OLFM3: variants seen among roughly 807,000 people sequenced by gnomAD.
OLFM3 encodes olfactomedin 3.
Under a neutral mutation model 48.6 loss-of-function variants are expected in OLFM3, and 20 were observed. The ratio of observed to expected loss-of-function variants is 0.41; its 90% confidence interval spans 0.29 to 0.60. The LOEUF (loss-of-function observed/expected upper bound fraction) is 0.60. Ranked by LOEUF, OLFM3 falls within the 20% of genes least tolerant of loss-of-function variation. The probability of loss-of-function intolerance (pLI) is 0.28; values close to 1 mark genes in which losing one functional copy is unlikely to be tolerated. For synonymous variants in OLFM3, 222 were observed against 198.1 expected, an observed-to-expected ratio of 1.12 and a Z score of -1.01; for missense variants, 437 against 544.3, an observed-to-expected ratio of 0.80 and a Z score of 1.96.
rs200130425 is a variant in OLFM3 at position 101,947,771 on chromosome 1, AT to A, written c.69+48976del. Among the ~76,000 whole-genome samples, 1,087 of 152,272 alleles carry A rather than the reference AT, an allele frequency of 7.1e-3. 4 individuals carry two copies. Among genetic ancestry groups the A allele is most frequent in the Non-Finnish European group, 0.012 (815 of 68,018 alleles). On this transcript the variant is annotated intron_variant, in intron 1 of 5. Transcript: ENST00000370103. ...AATGCCATCACTTAATAGGCATATG[AT>A]TTTCGGTGAGTTATTTAACTGCTCC...
intron 1 of OLFM3, among the ~76,000 whole-genome samples, chr1:101,950,201 T>C (rs1660094422): frequency 6.6e-6 from 1 of 152,144 alleles, no homozygotes; most frequent in South Asian, 2.1e-4. Context: ...GTCTCTTTGG[T>C]GTTCCTTGAA....
chr1:101,921,957 G>A (rs1570632831), intron 1 of OLFM3, among the ~76,000 whole-genome samples: 1 of 152,144 alleles, frequency 6.6e-6, no homozygotes. Context: ...TACTCGGGAG[G>A]CTGAGGCAGA....
intron 1 of OLFM3, among the ~76,000 whole-genome samples, chr1:101,979,295 G>GT (rs1557755251): frequency 1.3e-5 from 2 of 152,014 alleles, no homozygotes; most frequent in Admixed American, 1.3e-4. Flanking sequence ...TTTCCCTTGA[G>GT]TAAAATATGA....
At chr1:101,876,223 T>A (rs189232885) in intron 1 of OLFM3, among the ~76,000 whole-genome samples, 26 of 152,116 alleles carry the variant, frequency 1.7e-4, no homozygotes, top group African/African-American at 6.3e-4. Flanking sequence ...AACTCTCTTC[T>A]TACAGCAGGA....
intron 1 of OLFM3, among the ~76,000 whole-genome samples, chr1:101,927,694 A>C (rs1176752174): frequency 1.3e-5 from 2 of 150,318 alleles, no homozygotes; most frequent in Admixed American, 6.7e-5. Context: ...AAGCAAGTAT[A>C]TATATATGTA....
chr1:101,808,013 T>A (rs1653861781), intron 4 of OLFM3, among the ~76,000 whole-genome samples: 1 of 151,848 alleles, frequency 6.6e-6, no homozygotes, highest in Non-Finnish European at 1.5e-5. Context: ...GAAGTAGTAT[T>A]ATTTTTAATA....
intron 1 of OLFM3, among the ~76,000 whole-genome samples, chr1:101,908,655 A>G (rs1283557448): frequency 2.0e-5 from 3 of 152,162 alleles, no homozygotes; most frequent in African/African-American, 7.2e-5. Flanking sequence ...ATCTGTGGAG[A>G]TGTAATTAAG....
chr1:101,933,094 T>C lies in OLFM3; in HGVS notation c.69+63654A>G, dbSNP rs1476496519. 2.4e-3 allele frequency among the ~76,000 whole-genome samples: 348 copies of C among 146,182 alleles called. 3 individuals are homozygous for C. The highest frequency in any genetic ancestry group is 5.4e-3 in the Admixed American group (77 of 14,162). On this transcript the variant is annotated intron_variant, in intron 1 of 5. Coordinates refer to ENST00000370103, the MANE Select transcript of OLFM3 (RefSeq NM_058170.4). Reference sequence around the variant, plus strand: ...GCGGGCACCTGTAGTCCCAGCTACTTGGGAGGCTGAGGCAGGAGAATGGCA... The same window carrying C: ...GCGGGCACCTGTAGTCCCAGCTACTCGGGAGGCTGAGGCAGGAGAATGGCA...
In OLFM3 at chr1:101,824,936, A is replaced by AT. The variant is rs1654786411; in HGVS notation, c.592+89dup. The AT allele has an allele frequency of 3.6e-6, 4 of 1,120,332 alleles. No individual in the cohort carries two copies. The African/African-American group carries it at 6.2e-5, about 17-fold the overall frequency. 69.4% of individuals were successfully genotyped at this position (1,120,332 alleles called of 1,614,324 possible). On this transcript the variant is annotated intron_variant, in intron 4 of 5. Coordinates refer to ENST00000370103, the MANE Select transcript of OLFM3 (RefSeq NM_058170.4). Reference sequence around the variant, plus strand: ...GGCTCTGATTTCTTTACAATTAGATATTTTATGACTCTTTATAAAACGTAA... The same window carrying AT: ...GGCTCTGATTTCTTTACAATTAGATATTTTTATGACTCTTTATAAAACGTAA...
intron 1 of OLFM3, among the ~76,000 whole-genome samples, chr1:101,961,943 T>C (rs1169368490): frequency 6.6e-6 from 1 of 152,166 alleles, no homozygotes; most frequent in Admixed American, 6.6e-5. Context: ...CTAGCTATCT[T>C]TTCTACCACC....
chr1:101,951,114 A>G (rs1260882892), intron 1 of OLFM3, among the ~76,000 whole-genome samples: 1 of 152,218 alleles, frequency 6.6e-6, no homozygotes, highest in Non-Finnish European at 1.5e-5. Flanking sequence ...AACTGTTTGG[A>G]TTAGCACAGA....
intron 1 of OLFM3, among the ~76,000 whole-genome samples, chr1:101,947,706 T>C (rs2101066787): frequency 6.6e-6 from 1 of 152,336 alleles, no homozygotes; most frequent in Non-Finnish European, 1.5e-5. Context: ...TTTTAGTCAT[T>C]GATAAAAGTG....
At chr1:101,967,745 G>A (rs1055062448) in intron 1 of OLFM3, among the ~76,000 whole-genome samples, 1 of 152,096 alleles carries the variant, frequency 6.6e-6, no homozygotes, top group African/African-American at 2.4e-5. Context: ...TGGAGGTGCA[G>A]ACCACCTCCC....
intron 1 of OLFM3, among the ~76,000 whole-genome samples, chr1:101,865,220 A>T (rs1274968305): frequency 2.0e-5 from 3 of 151,422 alleles, no homozygotes; most frequent in African/African-American, 7.4e-5. Context: ...CACCAGGGTG[A>T]TTTCTCAGCA....
intron 1 of OLFM3, among the ~76,000 whole-genome samples, chr1:101,871,278 C>T (rs193183597): frequency 2.6e-5 from 4 of 152,054 alleles, no homozygotes; most frequent in Admixed American, 2.6e-4. Flanking sequence ...AGTAGAATAA[C>T]AAAATGCGTG....
chr1:101,826,129 A>AACACACACACACACAC (rs66617960), intron 3 of OLFM3, among the ~76,000 whole-genome samples: 21 of 133,074 alleles, frequency 1.6e-4, no homozygotes, highest in African/African-American at 5.5e-4. Flanking sequence ...ACTTTCGTCA[A>AACACACACACACACAC]ACACACACAC....
intron 1 of OLFM3, among the ~76,000 whole-genome samples, chr1:101,873,101 T>C (rs1657149437): frequency 6.6e-6 from 1 of 151,922 alleles, no homozygotes; most frequent in Admixed American, 6.6e-5. Context: ...AATGTCACCA[T>C]AAAATATAGC....
At chr1:101,897,588 A>G (rs1425314513) in intron 1 of OLFM3, among the ~76,000 whole-genome samples, 2 of 152,188 alleles carry the variant, frequency 1.3e-5, no homozygotes, top group Non-Finnish European at 2.9e-5. Flanking sequence ...TTTTTTAAAA[A>G]TCAGTTTGCA....
At chr1:101,962,700 A>G (rs775341050) in intron 1 of OLFM3, among the ~76,000 whole-genome samples, 2 of 152,192 alleles carry the variant, frequency 1.3e-5, no homozygotes, top group Non-Finnish European at 2.9e-5. Context: ...AGAACAGAAA[A>G]TATTCTGTGT....
Sources: gnomAD v4.1 joint callset for allele counts (sites outside exome capture counted in the v4.1 genomes callset) on GRCh38, gnomAD v4.1.1 for gene constraint, MANE v1.5 for transcripts, NCBI Gene and HGNC (gene_info 2026-07-23, HGNC 2026-07-21) for gene names.